The following KIAA1549L variants were observed in gnomAD, a reference collection of about 807,000 sequenced individuals.
KIAA1549L encodes the protein UPF0606 protein KIAA1549L.
In KIAA1549L, 88 loss-of-function variants were observed where a neutral mutation model predicts 160.7. That is an observed-to-expected ratio of 0.55 (90% CI 0.46 to 0.65). The LOEUF is 0.65. Among genes scored for constraint, KIAA1549L ranks in the 30% least tolerant of loss-of-function variants. KIAA1549L has a pLI of 0.00. For missense variants in KIAA1549L, 2,258 were observed against 2,437.5 expected, an observed-to-expected ratio of 0.93 and a Z score of 1.55; for synonymous variants, 950 against 976.7, an observed-to-expected ratio of 0.97 and a Z score of 0.51.
intron 1 of KIAA1549L, among the ~76,000 whole-genome samples, chr11:33,492,535 G>A (rs946851234): frequency 6.6e-6 from 1 of 152,156 alleles, no homozygotes; most frequent in Non-Finnish European, 1.5e-5. Flanking sequence ...GACTCCAAGT[G>A]GAATTTCGCA....
rs144152908 is a variant in KIAA1549L at position 33,558,082 on chromosome 11, C to T, written c.3856-1667C>T. 2.8e-4 allele frequency among the ~76,000 whole-genome samples: 42 copies of T among 152,186 alleles called. 1 individual carries two copies. In the East Asian group the frequency reaches 8.1e-3, roughly 29 times the overall value. On this transcript the variant is annotated intron_variant, in intron 6 of 20. Transcript: ENST00000658780. ...GTGTAAGAAAATATCACATGTACTG[C>T]CTACATATAGATAAATATTATGTAT...
chr11:33,510,606 CAG>C (rs933878767), intron 1 of KIAA1549L, among the ~76,000 whole-genome samples: 1 of 152,258 alleles, frequency 6.6e-6, no homozygotes, highest in African/African-American at 2.4e-5. Context: ...TGTCCTAAAA[CAG>C]GGGCAGGTAG....
intron 17 of KIAA1549L, among the ~76,000 whole-genome samples, chr11:33,654,564 A>T (rs1470295008): frequency 6.6e-6 from 1 of 152,160 alleles, no homozygotes; most frequent in African/African-American, 2.4e-5. Context: ...AGAAGGGACC[A>T]ATGCTAGCCT....
intron 19 of KIAA1549L, 109 bp downstream of exon 19, chr11:33,659,007 C>G: frequency 8.9e-7 from 1 of 1,124,624 alleles, no homozygotes. Flanking sequence ...TCAGGAATCA[C>G]AGCCACTGCA....
At chr11:33,503,268 T>G (rs976892078) in intron 1 of KIAA1549L, among the ~76,000 whole-genome samples, 1 of 152,248 alleles carries the variant, frequency 6.6e-6, no homozygotes, top group Non-Finnish European at 1.5e-5. Flanking sequence ...CATGTGTATT[T>G]GTGATTCTTT....
intron 1 of KIAA1549L, among the ~76,000 whole-genome samples, chr11:33,427,554 C>A (rs1018295670): frequency 1.3e-5 from 2 of 152,154 alleles, no homozygotes; most frequent in Non-Finnish European, 2.9e-5. Flanking sequence ...TCAGCAAACC[C>A]CCTTGAAATA....
intron 1 of KIAA1549L, among the ~76,000 whole-genome samples, chr11:33,454,821 G>T (rs966517499): frequency 6.6e-6 from 1 of 152,206 alleles, no homozygotes; most frequent in Non-Finnish European, 1.5e-5. Context: ...TGGGCGCGGT[G>T]GCTCACGCCT....
chr11:33,500,459 A>G (rs1852922030), intron 1 of KIAA1549L, among the ~76,000 whole-genome samples: 1 of 152,206 alleles, frequency 6.6e-6, no homozygotes, highest in African/African-American at 2.4e-5. Flanking sequence ...CAACTTATGA[A>G]ATATTCTTCA....
intron 1 of KIAA1549L, among the ~76,000 whole-genome samples, chr11:33,459,579 G>C (rs907134804): frequency 1.1e-4 from 16 of 152,154 alleles, no homozygotes; most frequent in African/African-American, 3.9e-4. Context: ...TGAAAAGCCA[G>C]TTTCCTGGAG....
At chr11:33,425,326 C>A (rs1851094471) in intron 1 of KIAA1549L, among the ~76,000 whole-genome samples, 1 of 152,184 alleles carries the variant, frequency 6.6e-6, no homozygotes, top group African/African-American at 2.4e-5. Context: ...TTGACTCATT[C>A]TCTGCTGATT....
intron 1 of KIAA1549L, among the ~76,000 whole-genome samples, chr11:33,526,667 T>C (rs1047170127): frequency 6.6e-6 from 1 of 152,168 alleles, no homozygotes; most frequent in African/African-American, 2.4e-5. Context: ...CGAGAGCCCT[T>C]GAGTTCCAGA....
intron 1 of KIAA1549L, among the ~76,000 whole-genome samples, chr11:33,406,635 A>G (rs1850659273): frequency 6.6e-6 from 1 of 152,158 alleles, no homozygotes; most frequent in South Asian, 2.1e-4. Context: ...CAGGTCTGAC[A>G]TTTGCTCTCC....
chr11:33,434,074 C>T (rs1004881425), intron 1 of KIAA1549L, among the ~76,000 whole-genome samples: 4 of 148,074 alleles, frequency 2.7e-5, no homozygotes, highest in South Asian at 2.2e-4. Flanking sequence ...GAAATAAAGC[C>T]CCCCCCGCCA....
At position 33,543,239 on chromosome 11, in the gene KIAA1549L, G is replaced by A. The variant is rs1251192104; in HGVS notation, c.1676G>A (p.Arg559Gln). ...CTTTCCACATCTTGGACATTTCCCC[G>A]GTGGAAAAAGGACAGTGTGACAGCC... Reference protein sequence around the residue: ...NLLSTSWTFPRWKKDSVTAIL... With the variant: ...NLLSTSWTFPQWKKDSVTAIL... Residue 559 changes from arginine (R) to glutamine (Q), a missense_variant, in exon 2 of 21, where the codon CGG becomes CAG. This residue lies in a region of KIAA1549L where 540 missense variants were observed against 465.7 expected (regional missense o/e 1.16). Coordinates refer to ENST00000658780, the MANE Select transcript of KIAA1549L (RefSeq NM_012194.3). 3.1e-6 allele frequency: 5 copies of A among 1,613,868 alleles called. No individual in the cohort carries two copies. Among genetic ancestry groups the A allele is most frequent in the African/African-American group, 2.7e-5 (2 of 74,924 alleles).
chr11:33,543,818 A>G lies in KIAA1549L; in HGVS notation c.2255A>G (p.Asp752Gly), dbSNP rs1391008242. 1.2e-6 allele frequency: 2 copies of G among 1,613,936 alleles called. No homozygotes were observed. Among genetic ancestry groups the G allele is most frequent in the African/African-American group, 2.7e-5 (2 of 74,950 alleles). ...APPNGLTSAA[D>G]AIKSQDFKDT... ...CCCAATGGTTTAACTTCAGCTGCCG[A>G]TGCCATAAAATCTCAGGATTTCAAA... The change falls in exon 2 of 21, where the codon GAT becomes GGT. Residue 752 changes from aspartate to glycine, a missense_variant. Coordinates refer to ENST00000658780, the MANE Select transcript of KIAA1549L (RefSeq NM_012194.3).
chr11:33,662,812 T>C (rs1473086913), intron 20 of KIAA1549L, among the ~76,000 whole-genome samples: 2 of 152,166 alleles, frequency 1.3e-5, no homozygotes, highest in Non-Finnish European at 2.9e-5. Context: ...GCCTTTGGGC[T>C]CATAATTGCC....
At chr11:33,577,691 A>G (rs1855499182) in intron 10 of KIAA1549L, among the ~76,000 whole-genome samples, 1 of 152,092 alleles carries the variant, frequency 6.6e-6, no homozygotes, top group Non-Finnish European at 1.5e-5. Context: ...GTGTGTGGTA[A>G]TACACACGGA....
chr11:33,559,492 G>A (rs1854765440), intron 6 of KIAA1549L, among the ~76,000 whole-genome samples: 1 of 152,186 alleles, frequency 6.6e-6, no homozygotes, highest in South Asian at 2.1e-4. Context: ...ATCTGTGAAA[G>A]GGCGTCATCA....
At chr11:33,577,181 CATGACAGGGT>C (rs749807251) in intron 10 of KIAA1549L, among the ~76,000 whole-genome samples, 6 of 152,082 alleles carry the variant, frequency 3.9e-5, no homozygotes, top group Admixed American at 6.5e-5. Context: ...AGAGGCAGGG[CATGACAGGGT>C]AGAGATTAAG....
Sources: allele counts gnomAD v4.1 joint callset (sites outside exome capture counted in the v4.1 genomes callset), GRCh38; gene constraint gnomAD v4.1.1; regional missense constraint gnomAD v4.1.1; transcripts MANE v1.5; gene names NCBI Gene and HGNC (gene_info 2026-07-23, HGNC 2026-07-21).